Variants in SCLT1 observed in about 807,000 individuals in gnomAD.
SCLT1 encodes sodium channel and clathrin linker 1.
A neutral mutation model predicts 112.8 loss-of-function variants in SCLT1; 78 were observed. That is an observed-to-expected ratio of 0.69 (90% CI 0.58 to 0.83). The LOEUF is 0.83. SCLT1 is among the 40% of genes least tolerant of loss of function. SCLT1 has a pLI of 0.00. For missense variants in SCLT1, 747 were observed against 770.4 expected, an observed-to-expected ratio of 0.97 and a Z score of 0.36; for synonymous variants, 257 against 254.7, an observed-to-expected ratio of 1.01 and a Z score of -0.09.
At position 128,943,208 on chromosome 4, in the gene SCLT1, A is replaced by G; in HGVS notation, c.1440-20T>C. The G allele has an allele frequency of 6.5e-7, 1 of 1,534,768 alleles. No individual in the cohort carries two copies. The highest frequency in any genetic ancestry group is 1.4e-5 in the African/African-American group (1 of 72,478). On this transcript the variant is annotated intron_variant, in intron 16 of 20. Coordinates refer to ENST00000281142, the MANE Select transcript of SCLT1 (RefSeq NM_144643.4). ...GAGGAGCTGATTAAAAAACGAAATG[A>G]AAAGAATCCTTAAACTTAATGATCT...
chr4:129,062,336 T>G (rs147861552), intron 2 of SCLT1, among the ~76,000 whole-genome samples: 1 of 152,112 alleles, frequency 6.6e-6, no homozygotes, highest in African/African-American at 2.4e-5. Flanking sequence ...CTGGCTATCT[T>G]TGTGAGGGGA....
At chr4:128,940,130 C>T (rs1737558719) in intron 17 of SCLT1, among the ~76,000 whole-genome samples, 1 of 151,192 alleles carries the variant, frequency 6.6e-6, no homozygotes, top group Non-Finnish European at 1.5e-5. Flanking sequence ...TAGTGGAGTA[C>T]TAGATAGGAA....
intron 1 of SCLT1, among the ~76,000 whole-genome samples, chr4:129,092,780 G>C (rs563443381): frequency 6.6e-6 from 1 of 152,292 alleles, no homozygotes; most frequent in African/African-American, 2.4e-5. Context: ...TGCACACTTG[G>C]AAACTCCTGC....
At chr4:128,959,488 C>G in intron 12 of SCLT1, 112 bp downstream of exon 12, 4 of 727,922 alleles carry the variant, frequency 5.5e-6, no homozygotes, top group Non-Finnish European at 9.3e-6. Context: ...AAAAGAGTAG[C>G]AATTTCATTT....
intron 2 of SCLT1, among the ~76,000 whole-genome samples, chr4:129,059,881 G>A (rs1749795393): frequency 1.3e-5 from 2 of 152,110 alleles, no homozygotes. Flanking sequence ...GGATCCAGAT[G>A]TCCATATCTC....
At chr4:129,013,143 C>T (rs1744687808) in intron 5 of SCLT1, among the ~76,000 whole-genome samples, 2 of 152,156 alleles carry the variant, frequency 1.3e-5, no homozygotes, top group South Asian at 2.1e-4. Context: ...CCTCCTCCCA[C>T]CCTCTCCTTT....
intron 5 of SCLT1, among the ~76,000 whole-genome samples, chr4:129,009,025 T>C: frequency 6.6e-6 from 1 of 152,232 alleles, no homozygotes; most frequent in South Asian, 2.1e-4. Flanking sequence ...TAGTATTCCA[T>C]TGTATATATG....
downstream of SCLT1, among the ~76,000 whole-genome samples, chr4:128,879,086 C>A (rs1732585801): frequency 6.6e-6 from 1 of 151,350 alleles, no homozygotes; most frequent in Admixed American, 6.6e-5. Context: ...ATGTGACAAA[C>A]CTGCACATTG....
chr4:128,924,667 T>C lies in SCLT1; in HGVS notation c.1829+11988A>G, dbSNP rs140033231. 4.1e-3 allele frequency among the ~76,000 whole-genome samples: 627 copies of C among 152,296 alleles called. 11 individuals carry two copies. Among genetic ancestry groups the C allele is most frequent in the East Asian group, 0.016 (81 of 5,182 alleles). ...TTTTTGCTTATCATAAGATTTTCTT[T>C]TAGATATTTTATTGTTTTCCTTTTT... On this transcript the variant is annotated intron_variant, in intron 18 of 20. Coordinates refer to ENST00000281142, the MANE Select transcript of SCLT1 (RefSeq NM_144643.4).
chr4:128,929,772 A>T (rs1220507724), intron 18 of SCLT1, among the ~76,000 whole-genome samples: 1 of 152,228 alleles, frequency 6.6e-6, no homozygotes, highest in Non-Finnish European at 1.5e-5. Flanking sequence ...TAAATGTTTC[A>T]GGGATGAATG....
chr4:128,948,628 G>A (rs1195769558), intron 14 of SCLT1, 58 bp from the exon 15 acceptor site: 18 of 1,240,422 alleles, frequency 1.5e-5, no homozygotes, highest in Middle Eastern at 2.1e-4. Flanking sequence ...AAGAAAAGTG[G>A]GGAAAAATTA....
chr4:128,873,493 ATTAAG>A (rs1167796876), intron 5 of SCLT1: 8 of 152,640 alleles, frequency 5.2e-5, no homozygotes, highest in Admixed American at 6.5e-5. Flanking sequence ...GGCAATAACT[ATTAAG>A]TTATCAGCAA....
At chr4:129,080,276 A>AT (rs1751821580) in intron 2 of SCLT1, among the ~76,000 whole-genome samples, 1 of 152,226 alleles carries the variant, frequency 6.6e-6, no homozygotes, top group African/African-American at 2.4e-5. Flanking sequence ...GTCAGGCTGT[A>AT]AACTTTCCAA....
chr4:129,038,874 C>T lies in SCLT1; in HGVS notation c.290+167G>A, dbSNP rs564328367. 5.7e-4 allele frequency among the ~76,000 whole-genome samples: 87 copies of T among 152,092 alleles called. 1 individual carries two copies. The highest frequency in any genetic ancestry group is 1.0e-3 in the Non-Finnish European group (68 of 68,020). On this transcript the variant is annotated intron_variant, in intron 5 of 20. Coordinates refer to ENST00000281142, the MANE Select transcript of SCLT1 (RefSeq NM_144643.4). ...TAAAGCAGAAAGGGAAGTAACCTGT[C>T]CAGGGTCACACAGCTAACAAGTAAT...
chr4:129,066,566 T>C (rs1270581495), intron 2 of SCLT1, among the ~76,000 whole-genome samples: 2 of 152,052 alleles, frequency 1.3e-5, no homozygotes, highest in African/African-American at 4.8e-5. Context: ...CTCAGATGTA[T>C]ATATGGAGAC....
chr4:129,049,241 C>T (rs1748507926), intron 2 of SCLT1, among the ~76,000 whole-genome samples: 1 of 151,456 alleles, frequency 6.6e-6, no homozygotes, highest in Non-Finnish European at 1.5e-5. Context: ...AAATGTCCAA[C>T]AATGATAGAC....
At chr4:128,916,750 G>A (rs530079453) in intron 18 of SCLT1, among the ~76,000 whole-genome samples, 21 of 152,254 alleles carry the variant, frequency 1.4e-4, no homozygotes, top group South Asian at 1.2e-3. Flanking sequence ...AGAGCAATGT[G>A]TCCTTGTATC....
chr4:128,936,603 G>C (rs1054363768), intron 18 of SCLT1, 52 bp downstream of exon 18: 8 of 1,137,170 alleles, frequency 7.0e-6, no homozygotes, highest in Non-Finnish European at 1.0e-5. Context: ...TTAAACTATA[G>C]GTTAAAGAAT....
chr4:128,973,078 G>A (rs1740831658), intron 9 of SCLT1, among the ~76,000 whole-genome samples: 1 of 139,470 alleles, frequency 7.2e-6, no homozygotes, highest in African/African-American at 2.5e-5. Flanking sequence ...ATGTTTGGCT[G>A]GACTAGTCTT....
Sources: allele counts gnomAD v4.1 joint callset (sites outside exome capture counted in the v4.1 genomes callset), GRCh38; gene constraint gnomAD v4.1.1; transcripts MANE v1.5; gene names NCBI Gene and HGNC (gene_info 2026-07-23, HGNC 2026-07-21).